The following CPZ variants were observed in gnomAD, a reference collection of about 807,000 sequenced individuals.
CPZ encodes the protein carboxypeptidase Z.
CPZ carries 103 observed loss-of-function variants against 61.8 expected under a neutral mutation model. The ratio of observed to expected loss-of-function variants is 1.67; its 90% CI spans 1.42 to 1.96. The LOEUF (loss-of-function observed/expected upper bound fraction) is 1.96, where lower values mean the gene tolerates loss of function less well. Ranked by LOEUF, CPZ falls within the 30% of genes most tolerant of loss-of-function variation. The pLI is 0.00. For missense variants in CPZ, 1,461 were observed against 914.9 expected, an observed-to-expected ratio of 1.60 and a Z score of -7.70; for synonymous variants, 551 against 373.7, an observed-to-expected ratio of 1.47 and a Z score of -5.47.
At chr4:8,600,128 T>A in intron 2 of CPZ, among the ~76,000 whole-genome samples, 1 of 152,310 alleles carries the variant, frequency 6.6e-6, no homozygotes, top group Admixed American at 6.5e-5. Flanking sequence ...GTCTATTTTA[T>A]TTTATTTTTT....
intron 1 of CPZ, among the ~76,000 whole-genome samples, chr4:8,595,334 G>A (rs1714099356): frequency 6.6e-6 from 1 of 152,224 alleles, no homozygotes; most frequent in Non-Finnish European, 1.5e-5. Context: ...TTGCAAGTCT[G>A]CAGGGGGATC....
At chr4:8,597,569 G>A (rs1714272667) in intron 1 of CPZ, 1 of 152,220 alleles carries the variant, frequency 6.6e-6, no homozygotes, top group African/African-American at 2.4e-5. Context: ...AGCGCGCGTT[G>A]TGGGCGTCCG....
At chr4:8,608,641 CGT>C (rs57341669) in intron 7 of CPZ, among the ~76,000 whole-genome samples, 3 of 151,418 alleles carry the variant, frequency 2.0e-5, no homozygotes, top group Non-Finnish European at 4.4e-5. Context: ...TGTGAGTGCA[CGT>C]GTGTGCGTGT....
intron 4 of CPZ, among the ~76,000 whole-genome samples, chr4:8,605,560 G>C (rs1002005537): frequency 8.0e-6 from 1 of 125,322 alleles, no homozygotes. Context: ...ATCCATCATT[G>C]ATATATCTAT....
At chr4:8,601,001 C>A (rs558996730) in intron 2 of CPZ, 122 bp from the exon 3 acceptor site, 2 of 1,426,652 alleles carry the variant, frequency 1.4e-6, no homozygotes, top group African/African-American at 2.9e-5. Context: ...CCTCCCCTGC[C>A]AGACCGTGGG....
At chr4:8,614,533 T>C in intron 9 of CPZ, 35 bp downstream of exon 9, 2 of 1,605,006 alleles carry the variant, frequency 1.2e-6, no homozygotes, top group Non-Finnish European at 1.7e-6. Context: ...CTGGTCCAGC[T>C]GTGGCCTGGG....
chr4:8,596,130 C>A (rs1221194004), intron 1 of CPZ, among the ~76,000 whole-genome samples: 5 of 152,062 alleles, frequency 3.3e-5, no homozygotes, highest in South Asian at 2.1e-4. Flanking sequence ...TGGCTCACTG[C>A]AACCTCCACC....
In CPZ at chr4:8,606,030, G is replaced by A. The variant is rs202092274; in HGVS notation, c.751G>A (p.Glu251Lys). ...GCTCATCGGCAACATTCATGGCAAC[G>A]AGGTGGCGGGCCGGGAGATGCTCAT... ...VKLIGNIHGNEVAGREMLIYL... is the reference protein window; with the variant it reads ...VKLIGNIHGNKVAGREMLIYL... The change falls in exon 5 of 11, where the codon GAG becomes AAG. Residue 251 changes from glutamate (E) to lysine (K), a missense_variant. Transcript: ENST00000360986. 154 of 1,614,104 alleles carry A rather than the reference G, an allele frequency of 9.5e-5. No homozygotes were observed. Among genetic ancestry groups the A allele is most frequent in the Non-Finnish European group, 3.0e-5 (35 of 1,179,966 alleles).
At chr4:8,618,681 A>C (rs1224609078) in intron 10 of CPZ, among the ~76,000 whole-genome samples, 153 bp downstream of exon 10, 1 of 152,174 alleles carries the variant, frequency 6.6e-6, no homozygotes, top group Non-Finnish European at 1.5e-5. Context: ...GAGGGTGGGC[A>C]GGAACCAGGG....
chr4:8,615,864 G>C (rs756911419), intron 9 of CPZ, among the ~76,000 whole-genome samples: 1 of 152,208 alleles, frequency 6.6e-6, no homozygotes. Flanking sequence ...GCTGAGATAG[G>C]AAAGAAACAA....
At chr4:8,615,697 AGAG>A (rs1265605315) in intron 9 of CPZ, among the ~76,000 whole-genome samples, 3 of 152,310 alleles carry the variant, frequency 2.0e-5, no homozygotes, top group South Asian at 2.1e-4. Flanking sequence ...CGAGCCAGCC[AGAG>A]GAGGAGACAG....
At chr4:8,608,736 CGGTTTCCCAAAA>C (rs1560297309) in intron 7 of CPZ, among the ~76,000 whole-genome samples, 1 of 151,814 alleles carries the variant, frequency 6.6e-6, no homozygotes, top group African/African-American at 2.4e-5. Context: ...CCTGAGGTGG[CGGTTTCCCAAAA>C]GGTCTCCACA....
chr4:8,600,775 C>A (rs2109316291), intron 2 of CPZ, among the ~76,000 whole-genome samples: 1 of 152,372 alleles, frequency 6.6e-6, no homozygotes, highest in South Asian at 2.1e-4. Context: ...GGCTGTGGCT[C>A]CTGGGTGGTC....
chr4:8,616,638 T>C (rs932475511), intron 9 of CPZ, among the ~76,000 whole-genome samples: 4 of 152,264 alleles, frequency 2.6e-5, no homozygotes, highest in Admixed American at 2.0e-4. Context: ...GGTGAGGGTA[T>C]TCTTAGCAGA....
At chr4:8,618,003 C>G (rs574566723) in intron 9 of CPZ, 11 of 219,578 alleles carry the variant, frequency 5.0e-5, no homozygotes, top group East Asian at 1.1e-4. Flanking sequence ...AGCGAGGGTC[C>G]GAGCACTGTC....
intron 4 of CPZ, among the ~76,000 whole-genome samples, chr4:8,605,346 C>T (rs1438411073): frequency 1.4e-5 from 2 of 144,646 alleles, no homozygotes; most frequent in Non-Finnish European, 3.0e-5. Context: ...ATCCATCCAT[C>T]CATTTATTCA....
At chr4:8,609,172 CCATTCACTCAGG>C (rs1222888697) in intron 7 of CPZ, among the ~76,000 whole-genome samples, 27 of 41,806 alleles carry the variant, frequency 6.5e-4, no homozygotes, top group Admixed American at 8.6e-4. Flanking sequence ...ATTCACTCAC[CCATTCACTCAGG>C]CATTCACTCA....
chr4:8,607,600 G>A (rs1353876403), intron 7 of CPZ, among the ~76,000 whole-genome samples, 175 bp downstream of exon 7: 1 of 152,170 alleles, frequency 6.6e-6, no homozygotes, highest in African/African-American at 2.4e-5. Context: ...CCTTCCTCCT[G>A]GAAGTCTGTG....
At chr4:8,609,169 C>T (rs1386117735) in intron 7 of CPZ, among the ~76,000 whole-genome samples, 4 of 38,040 alleles carry the variant, frequency 1.1e-4, no homozygotes, top group Non-Finnish European at 1.2e-4. Flanking sequence ...CTCATTCACT[C>T]ACCCATTCAC....
Sources: allele counts gnomAD v4.1 joint callset (sites outside exome capture counted in the v4.1 genomes callset), GRCh38; gene constraint gnomAD v4.1.1; transcripts MANE v1.5; gene names NCBI Gene and HGNC (gene_info 2026-07-23, HGNC 2026-07-21).